MUC12: variants seen among roughly 807,000 people sequenced by gnomAD.
The protein encoded by MUC12 is mucin-12.
Under a neutral mutation model 230.8 loss-of-function variants are expected in MUC12, and 172 were observed. The observed-to-expected ratio is 0.75, with a 90% CI of 0.66 to 0.85. The LOEUF (loss-of-function observed/expected upper bound fraction) is 0.85. Ranked by LOEUF, MUC12 falls within the 40% of genes least tolerant of loss-of-function variation. The probability of loss-of-function intolerance (pLI) is 0.00; values close to 1 mark genes in which losing one functional copy is unlikely to be tolerated. For missense variants in MUC12, 3,506 were observed against 5,920.6 expected, an observed-to-expected ratio of 0.59 and a Z score of 13.38; for synonymous variants, 1,259 against 2,401.9, an observed-to-expected ratio of 0.52 and a Z score of 13.91.
intron 5 of MUC12, among the ~76,000 whole-genome samples, chr7:101,009,756 T>C (rs1396762737): frequency 6.6e-6 from 1 of 151,982 alleles, no homozygotes; most frequent in Non-Finnish European, 1.5e-5. Flanking sequence ...GGAGAGGCAG[T>C]TGCAGCAGAG....
In MUC12 at chr7:100,992,011, G is replaced by A. The variant is rs1177805199; in HGVS notation, c.1448G>A (p.Ser483Asn). 3.3e-6 allele frequency: 5 copies of A among 1,537,862 alleles called. No individual in the cohort carries two copies. The highest frequency in any genetic ancestry group is 1.2e-5 in the South Asian group (1 of 84,070). The change falls in exon 2 of 12, where the codon AGT (serine) becomes AAT (asparagine). Residue 483 changes from serine (S) to asparagine (N), a missense_variant. By Grantham distance (46) the Ser-to-Asn change is conservative (BLOSUM62 1). Coordinates refer to ENST00000536621, the MANE Select transcript of MUC12 (RefSeq NM_001164462.2). ...GSMETTALPGSTTKPGLSEKS... is the reference protein window; with the variant it reads ...GSMETTALPGNTTKPGLSEKS... The stretch of plus-strand genomic sequence containing the variant: ...ATGGAAACCACAGCGTTACCCGGCA[G>A]TACCACAAAACCAGGCCTCAGTGAG...
At chr7:101,008,426 C>T (rs1469668115) in intron 3 of MUC12, among the ~76,000 whole-genome samples, 1 of 152,100 alleles carries the variant, frequency 6.6e-6, no homozygotes, top group Non-Finnish European at 1.5e-5. Flanking sequence ...TCACCTGCCC[C>T]CCTCATCAAA....
chr7:100,995,764 C>T lies in MUC12; in HGVS notation c.5201C>T (p.Thr1734Ile), dbSNP rs1355327893. 6.2e-5 allele frequency: 95 copies of T among 1,532,596 alleles called. No homozygotes were observed. The highest frequency in any genetic ancestry group is 7.1e-5 in the Non-Finnish European group (81 of 1,145,522). The allele number at this position is 1,532,596 out of a possible 1,614,324, so 94.9% of individuals were successfully genotyped here. The change falls in exon 2 of 12, where the codon ACC (threonine) becomes ATC (isoleucine). Residue 1734 changes from threonine (T) to isoleucine (I), a missense_variant. Transcript: ENST00000536621. ...ACCCACTTTTCTGCCAGCTCCACAA[C>T]CTTGGGCCGTAGTGAGGAATCGACA... The part of the protein sequence containing the change: ...PTTHFSASST[T>I]LGRSEESTTV...
chr7:100,983,417 T>C lies in MUC12; in HGVS notation c.68-7214T>C, dbSNP rs566106791. ...CCTGGGCAACAGAGCGAGACTCCGT[T>C]AAAAAAAAAAAAAAAAGAAATAGCC... On this transcript the variant is annotated intron_variant, in intron 1 of 11. Coordinates refer to ENST00000536621, the MANE Select transcript of MUC12 (RefSeq NM_001164462.2). Among the ~76,000 whole-genome samples the C allele has an allele frequency of 7.1e-4, 98 of 137,534 alleles. 1 individual carries two copies. Among genetic ancestry groups the C allele is most frequent in the African/African-American group, 2.6e-3 (97 of 37,226 alleles). The allele number at this position is 137,534 out of a possible 152,430, so 90.2% of individuals were successfully genotyped here.
At chr7:101,015,359 T>C (rs548041305) in intron 9 of MUC12, 28 of 507,740 alleles carry the variant, frequency 5.5e-5, no homozygotes, top group South Asian at 5.3e-4. Flanking sequence ...GGAGCTACCC[T>C]ACGCCCCCAT....
intron 1 of MUC12, among the ~76,000 whole-genome samples, chr7:100,971,403 TG>T (rs1217830958): frequency 4.0e-5 from 4 of 100,348 alleles, no homozygotes; most frequent in African/African-American, 1.5e-4. Flanking sequence ...GCAGAAGGGG[TG>T]GTGAGGGGGC....
chr7:101,013,024 T>C lies in MUC12; in HGVS notation c.15520T>C (p.Tyr5174His). The C allele has an allele frequency of 2.6e-6, 4 of 1,537,342 alleles. No homozygotes were observed. The highest frequency in any genetic ancestry group is 3.5e-6 in the Non-Finnish European group (4 of 1,146,922). Residue 5174 changes from tyrosine to histidine, a missense_variant, in exon 8 of 12, where the codon TAT becomes CAT. Tyr to His is a moderately conservative substitution (Grantham distance 83). Coordinates refer to ENST00000536621, the MANE Select transcript of MUC12 (RefSeq NM_001164462.2). ...KAAEGYTQFY[Y>H]VDVLDGKLAC... is the part of the protein sequence containing the mutation. ...TGCCGAAGGATATACCCAGTTCTAC[T>C]ATGTGGATGTCTTGGATGGGAAGCT...
chr7:100,997,230 C>T lies in MUC12; in HGVS notation c.6667C>T (p.His2223Tyr). The change falls in exon 2 of 12, where the codon CAC (histidine) becomes TAC (tyrosine). Residue 2223 changes from histidine to tyrosine, a missense_variant. By Grantham distance (83) the His-to-Tyr change is moderately conservative (BLOSUM62 2). Transcript: ENST00000536621. ...TTSRSQPGSTHSTVSPASTTT... is the reference protein window; with the variant it reads ...TTSRSQPGSTYSTVSPASTTT... ...CTCCCGTAGCCAACCAGGTTCTACTCACTCAACAGTGTCACCTGCCAGCAC... is the reference window on the plus strand; with the variant it reads ...CTCCCGTAGCCAACCAGGTTCTACTTACTCAACAGTGTCACCTGCCAGCAC... 3.4e-6 allele frequency: 1 copy of T among 289,944 alleles called. No individual in the cohort carries two copies. The highest frequency in any genetic ancestry group is 4.4e-6 in the Non-Finnish European group (1 of 225,410). The allele number at this position is 289,944 out of a possible 1,614,324, so 18.0% of individuals were successfully genotyped here.
intron 5 of MUC12, 79 bp downstream of exon 5, chr7:101,009,238 A>G: frequency 7.2e-7 from 1 of 1,383,796 alleles, no homozygotes; most frequent in Non-Finnish European, 9.9e-7. Flanking sequence ...CCTATCATGA[A>G]TGGCTAGAAT....
intron 1 of MUC12, among the ~76,000 whole-genome samples, chr7:100,971,734 G>A (rs1015849469): frequency 6.6e-6 from 1 of 152,306 alleles, no homozygotes; most frequent in African/African-American, 2.4e-5. Flanking sequence ...GGCCTGGATG[G>A]GTCTTAGGAG....
chr7:101,008,285 C>T (rs924671754), intron 3 of MUC12, among the ~76,000 whole-genome samples: 1 of 151,916 alleles, frequency 6.6e-6, no homozygotes, highest in Non-Finnish European at 1.5e-5. Context: ...CACTACCATG[C>T]CTGGTTAATT....
In MUC12 at chr7:100,991,078, C is replaced by G. The variant is rs1301925295; in HGVS notation, c.515C>G (p.Pro172Arg). 1 of 1,537,632 alleles carries G rather than the reference C, an allele frequency of 6.5e-7. No individual in the cohort carries two copies. The highest frequency in any genetic ancestry group is 8.7e-7 in the Non-Finnish European group (1 of 1,146,864). Residue 172 changes from proline (P) to arginine (R), a missense_variant, in exon 2 of 12, where the codon CCA becomes CGA. Coordinates refer to ENST00000536621, the MANE Select transcript of MUC12 (RefSeq NM_001164462.2). ...AAATCAACCACCTCCCACAGCCGAC[C>G]AGGCCCAACGCACACAATAGCGTTC... Reference protein sequence around the residue: ...SEKSTTSHSRPGPTHTIAFPD... With the variant: ...SEKSTTSHSRRGPTHTIAFPD...
intron 1 of MUC12, among the ~76,000 whole-genome samples, chr7:100,982,666 T>G (rs574459283): frequency 6.6e-6 from 1 of 152,016 alleles, no homozygotes; most frequent in Admixed American, 6.6e-5. Flanking sequence ...TGGGTTCAAG[T>G]AGTCCTCCCC....
chr7:101,005,067 C>G lies in MUC12; in HGVS notation c.14504C>G (p.Thr4835Arg), dbSNP rs1377773991. Residue 4835 changes from threonine (T) to arginine (R), a missense_variant, in exon 2 of 12, where the codon ACA (threonine) becomes AGA (arginine). By Grantham distance (71) the Thr-to-Arg change is moderately conservative. Transcript: ENST00000536621. ...PHSQPGSALS[T>R]VSPASTTVPG... ...AGCCAACCAGGCTCAGCTCTGTCAA[C>G]AGTGTCACCTGCCAGCACCACAGTG... is the stretch of plus-strand genomic sequence containing the variant. 10 of 1,537,824 alleles carry G rather than the reference C, an allele frequency of 6.5e-6. No individual in the cohort carries two copies. The Admixed American group carries it at 1.2e-4, about 18-fold the overall frequency.
In MUC12 at chr7:101,004,543, C is replaced by T. The variant is rs552616938; in HGVS notation, c.13980C>T (p.Ser4660=). 191 of 1,537,328 alleles carry T rather than the reference C, an allele frequency of 1.2e-4. 1 individual carries two copies. In the South Asian group the frequency reaches 2.0e-3, roughly 16 times the overall value. ...ALVEEPTSYH[S]SPGSIATTHF... is the part of the protein sequence containing the mutation. ...TTGAAGAACCTACCAGCTACCACAG[C>T]AGCCCGGGCTCAATTGCAACAACAC... Residue 4660 remains serine (S), a synonymous_variant, in exon 2 of 12, where the codon AGC becomes AGT. Transcript: ENST00000536621.
chr7:100,979,017 C>T (rs937239518), intron 1 of MUC12, among the ~76,000 whole-genome samples: 4 of 152,096 alleles, frequency 2.6e-5, no homozygotes, highest in African/African-American at 9.7e-5. Context: ...GCTATGTTTT[C>T]CAGGCTGGTC....
chr7:101,018,278 C>T lies in MUC12; in HGVS notation c.15967-317C>T, dbSNP rs1301941460. 2.8e-5 allele frequency among the ~76,000 whole-genome samples: 3 copies of T among 107,028 alleles called. No individual in the cohort carries two copies. In the East Asian group the frequency reaches 9.0e-4, roughly 32 times the overall value. The allele number at this position is 107,028 out of a possible 152,430, so 70.2% of individuals were successfully genotyped here. On this transcript the variant is annotated intron_variant, in intron 11 of 11. Coordinates refer to ENST00000536621, the MANE Select transcript of MUC12 (RefSeq NM_001164462.2). Reference sequence around the variant, plus strand: ...CTCCCTCCTCCCCCAGGACTCCCTCCTCTCCTTAGGACTCCCTCCCTCTCC... The same window carrying T: ...CTCCCTCCTCCCCCAGGACTCCCTCTTCTCCTTAGGACTCCCTCCCTCTCC...
At chr7:100,977,428 G>A (rs1793049518) in intron 1 of MUC12, among the ~76,000 whole-genome samples, 1 of 150,192 alleles carries the variant, frequency 6.7e-6, no homozygotes, top group Non-Finnish European at 1.5e-5. Flanking sequence ...GTACAGTGGT[G>A]CGATCTCGCC....
chr7:100,991,588 C>G lies in MUC12; in HGVS notation c.1025C>G (p.Thr342Arg). The change falls in exon 2 of 12, where the codon ACA (threonine) becomes AGA (arginine). Residue 342 changes from threonine (T) to arginine (R), a missense_variant. By Grantham distance (71) the Thr-to-Arg change is moderately conservative. Coordinates refer to ENST00000536621, the MANE Select transcript of MUC12 (RefSeq NM_001164462.2). The part of the protein sequence containing the change: ...PVHSSPVATA[T>R]TPPPARSATS... ...CACAGCAGCCCAGTTGCAACTGCAA[C>G]AACACCCCCACCTGCCCGCTCCGCG... 1 of 1,536,992 alleles carries G rather than the reference C, an allele frequency of 6.5e-7. No individual in the cohort carries two copies. Among genetic ancestry groups the G allele is most frequent in the Non-Finnish European group, 8.7e-7 (1 of 1,146,442 alleles).
Sources: allele counts gnomAD v4.1 joint callset (sites outside exome capture counted in the v4.1 genomes callset), GRCh38; gene constraint gnomAD v4.1.1; transcripts MANE v1.5; gene names NCBI Gene and HGNC (gene_info 2026-07-23, HGNC 2026-07-21).